Variants in DECR1 observed in about 807,000 individuals in gnomAD.
DECR1 encodes 2,4-dienoyl-CoA reductase [(3E)-enoyl-CoA-producing], mitochondrial.
DECR1 carries 44 observed loss-of-function variants against 38.8 expected under a neutral mutation model. The ratio of observed to expected loss-of-function variants is 1.13; its 90% CI spans 0.89 to 1.46. The LOEUF is 1.46. Among genes scored for constraint, DECR1 ranks in the 40% most tolerant of loss-of-function variants. The pLI is 0.00. For synonymous variants in DECR1, 148 were observed against 135.2 expected (o/e 1.09, Z -0.66); for missense variants, 428 against 405.5 (o/e 1.06, Z -0.48).
rs555996907 is a variant in DECR1 at position 90,041,820 on chromosome 8, C to T, written c.666-908C>T. On this transcript the variant is annotated intron_variant, in intron 6 of 9. Coordinates refer to ENST00000220764, the MANE Select transcript of DECR1 (RefSeq NM_001359.2). ...CCTCATTCTTGGCTCCGTTATATTT[C>T]GTTATCCTGGCTTTTCTCTCTCTTT... Among the ~76,000 whole-genome samples, 3 of 152,206 alleles carry T rather than the reference C, an allele frequency of 2.0e-5. No homozygotes were observed. The South Asian group carries it at 6.2e-4, about 32-fold the overall frequency.
At chr8:90,039,846 A>G (rs1813710319) in intron 6 of DECR1, among the ~76,000 whole-genome samples, 1 of 152,194 alleles carries the variant, frequency 6.6e-6, no homozygotes, top group African/African-American at 2.4e-5. Flanking sequence ...GACTGACTTT[A>G]TTTGAGGCTA....
chr8:90,010,125 C>T lies in DECR1; in HGVS notation c.70-6999C>T, dbSNP rs77889044. 1.9e-3 allele frequency among the ~76,000 whole-genome samples: 289 copies of T among 152,296 alleles called. 5 individuals carry two copies. The East Asian group carries it at 0.044, about 23-fold the overall frequency. On this transcript the variant is annotated intron_variant, in intron 1 of 9. Coordinates refer to ENST00000220764, the MANE Select transcript of DECR1 (RefSeq NM_001359.2). ...TTGCTGTGGCAACAAGATCTGTGCTCTGCGGAAGCTGAGAATATCAGTGGC... is the reference window on the plus strand; with the variant it reads ...TTGCTGTGGCAACAAGATCTGTGCTTTGCGGAAGCTGAGAATATCAGTGGC...
intron 1 of DECR1, among the ~76,000 whole-genome samples, chr8:90,002,012 C>T (rs557607463): frequency 6.6e-6 from 1 of 152,164 alleles, no homozygotes; most frequent in African/African-American, 2.4e-5. Context: ...AGGGCAACGC[C>T]GGGAGTGAGC....
At chr8:90,049,319 C>A (rs1450146847) in intron 8 of DECR1, among the ~76,000 whole-genome samples, 4 of 152,320 alleles carry the variant, frequency 2.6e-5, no homozygotes, top group Middle Eastern at 3.4e-3. Context: ...TGATAAGCAA[C>A]TTCAGCAAAG....
chr8:90,037,647 C>T (rs965748341), intron 6 of DECR1, among the ~76,000 whole-genome samples: 3 of 151,984 alleles, frequency 2.0e-5, no homozygotes, highest in African/African-American at 7.2e-5. Flanking sequence ...TGAGGTCTTG[C>T]TATGTTGCCC....
chr8:90,020,825 T>C (rs1813135979), intron 4 of DECR1, 84 bp from the exon 5 acceptor site: 5 of 1,091,660 alleles, frequency 4.6e-6, no homozygotes, highest in Non-Finnish European at 6.3e-6. Context: ...TTATTTCTAT[T>C]AATACATTTC....
intron 6 of DECR1, 171 bp downstream of exon 6, chr8:90,037,111 C>G (rs553210232): frequency 3.6e-6 from 2 of 551,146 alleles, no homozygotes; most frequent in South Asian, 5.0e-5. Flanking sequence ...TCTATAGCAG[C>G]GCTGTCCTGT....
Position 90,040,039 on chromosome 8 carries a change from G to GC in DECR1, c.666-2689_666-2688insC, listed in dbSNP as rs144545606. ...CAGTATATCAGCTAGCTTAATGACA[G>GC]TTGAAAGATCATGCTAGCAATTGAA... On this transcript the variant is annotated intron_variant, in intron 6 of 9. Coordinates refer to ENST00000220764, the MANE Select transcript of DECR1 (RefSeq NM_001359.2). Among the ~76,000 whole-genome samples the GC allele has an allele frequency of 7.3e-3, 1,107 of 152,302 alleles. 14 individuals carry two copies. The highest frequency in any genetic ancestry group is 0.025 in the African/African-American group (1,027 of 41,560).
intron 5 of DECR1, among the ~76,000 whole-genome samples, chr8:90,030,095 A>C (rs1374541877): frequency 6.6e-6 from 1 of 152,134 alleles, no homozygotes; most frequent in East Asian, 1.9e-4. Flanking sequence ...GCATTAGAGT[A>C]TCATAAGGAA....
intron 1 of DECR1, chr8:90,005,666 C>G: frequency 2.8e-6 from 1 of 358,064 alleles, no homozygotes; most frequent in Non-Finnish European, 5.5e-6. Flanking sequence ...CCAGTCATAT[C>G]AACTGTCTCT....
At chr8:90,024,503 G>A (rs887319702) in intron 5 of DECR1, among the ~76,000 whole-genome samples, 8 of 152,198 alleles carry the variant, frequency 5.3e-5, no homozygotes, top group African/African-American at 7.2e-5. Flanking sequence ...TCTGTTGGCT[G>A]CATAAATGTC....
chr8:90,044,875 TG>T lies in DECR1; in HGVS notation c.767del (p.Gly256GlufsTer7). The T allele has an allele frequency of 6.2e-7, 1 of 1,613,678 alleles. No homozygotes were observed. The highest frequency in any genetic ancestry group is 8.5e-7 in the Non-Finnish European group (1 of 1,179,684). ...GTGCCTTTAGCCGTCTGGACCCAAC[TG>T]GAACATTTGAGAAAGAAATGATTGG... is the stretch of plus-strand genomic sequence containing the variant. ...KGAFSRLDPTGTFEKEMIGRI... is the reference protein window; with the variant it reads ...KGAFSRLDPTXTFEKEMIGRI... On this transcript the variant is annotated frameshift_variant, in exon 8 of 10. Transcript: ENST00000220764. LOFTEE classifies it high-confidence loss of function.
chr8:90,017,447 A>G (rs768649403), intron 2 of DECR1, 121 bp downstream of exon 2: 3 of 582,190 alleles, frequency 5.2e-6, no homozygotes, highest in Non-Finnish European at 8.5e-6. Context: ...ATGAAATACT[A>G]GAAATATTAT....
At chr8:90,021,849 A>T (rs1813172071) in intron 5 of DECR1, among the ~76,000 whole-genome samples, 1 of 152,182 alleles carries the variant, frequency 6.6e-6, no homozygotes, top group African/African-American at 2.4e-5. Flanking sequence ...TTTAGAAAGA[A>T]CTTACTAGGA....
At chr8:90,037,795 T>G (rs1813650504) in intron 6 of DECR1, among the ~76,000 whole-genome samples, 1 of 152,172 alleles carries the variant, frequency 6.6e-6, no homozygotes, top group South Asian at 2.1e-4. Flanking sequence ...TCCATTGTCT[T>G]TATTATAATG....
rs150633423 is a variant in DECR1, at chr8:90,020,504, T to G, written c.418-405T>G. On this transcript the variant is annotated intron_variant, in intron 4 of 9. Transcript: ENST00000220764. ...CCTGGGTTCAAGCGATACTCCCACCTCAGCCTCCCAAGTAGCTGGGAATAC... is the reference window on the plus strand; with the variant it reads ...CCTGGGTTCAAGCGATACTCCCACCGCAGCCTCCCAAGTAGCTGGGAATAC... Among the ~76,000 whole-genome samples the G allele has an allele frequency of 9.5e-3, 1,452 of 152,270 alleles. 26 individuals are homozygous for G. The highest frequency in any genetic ancestry group is 0.034 in the African/African-American group (1,402 of 41,542).
intron 5 of DECR1, among the ~76,000 whole-genome samples, chr8:90,028,520 A>G (rs1020992576): frequency 2.0e-5 from 3 of 152,106 alleles, no homozygotes; most frequent in African/African-American, 7.2e-5. Flanking sequence ...AATTCCTTAT[A>G]CCTAAGAACA....
At chr8:90,041,259 G>A (rs745839233) in intron 6 of DECR1, among the ~76,000 whole-genome samples, 5 of 151,972 alleles carry the variant, frequency 3.3e-5, no homozygotes, top group Admixed American at 2.0e-4. Flanking sequence ...TGCTGGCTGC[G>A]TAAATGTCTT....
chr8:90,016,570 C>T (rs898762866), intron 1 of DECR1, among the ~76,000 whole-genome samples: 2 of 152,064 alleles, frequency 1.3e-5, no homozygotes, highest in Non-Finnish European at 2.9e-5. Flanking sequence ...ACCTGGGAGG[C>T]GGAGGTTGCA....
Sources: allele counts gnomAD v4.1 joint callset (sites outside exome capture counted in the v4.1 genomes callset), GRCh38; gene constraint gnomAD v4.1.1; transcripts MANE v1.5; gene names NCBI Gene and HGNC (gene_info 2026-07-23, HGNC 2026-07-21).